The following PDLIM3 variants were observed in gnomAD, a reference collection of about 807,000 sequenced individuals.
PDLIM3 encodes PDZ and LIM domain 3.
PDLIM3 carries 36 observed loss-of-function variants against 37.3 expected under a neutral mutation model. The ratio of observed to expected loss-of-function variants is 0.97; its 90% CI spans 0.74 to 1.28. PDLIM3 has a LOEUF of 1.28. Among genes scored for constraint, PDLIM3 ranks in the 50% most tolerant of loss-of-function variants. The probability of loss-of-function intolerance (pLI) is 0.00; values close to 1 mark genes in which losing one functional copy is unlikely to be tolerated. For missense variants in PDLIM3, 454 were observed against 485.0 expected, an observed-to-expected ratio of 0.94 and a Z score of 0.60; for synonymous variants, 174 against 182.4, an observed-to-expected ratio of 0.95 and a Z score of 0.37.
chr4:185,531,225 G>C (rs1456780098), intron 1 of PDLIM3, among the ~76,000 whole-genome samples: 1 of 152,176 alleles, frequency 6.6e-6, no homozygotes, highest in Non-Finnish European at 1.5e-5. Context: ...AAAAAGAAAA[G>C]ATGCTCACTT....
intron 4 of PDLIM3, among the ~76,000 whole-genome samples, chr4:185,509,328 T>C (rs571931636): frequency 6.6e-6 from 1 of 152,244 alleles, no homozygotes; most frequent in East Asian, 1.9e-4. Flanking sequence ...AGAAATAAGG[T>C]GGTGTTTCAC....
In PDLIM3 at chr4:185,514,780, A is replaced by T; in HGVS notation, c.331-443T>A. 1 of 1,551,988 alleles carries T rather than the reference A, an allele frequency of 6.4e-7. No individual in the cohort carries two copies. Among genetic ancestry groups the T allele is most frequent in the East Asian group, 2.4e-5 (1 of 40,930 alleles). ...GTATATTGCTAGTTGAATAGAGCCCAATTGGCGAGTTATAGGAAGCGCTCA... is the reference window on the plus strand; with the variant it reads ...GTATATTGCTAGTTGAATAGAGCCCTATTGGCGAGTTATAGGAAGCGCTCA... On this transcript the variant is annotated intron_variant, in intron 3 of 7. Transcript: ENST00000284767. The surrounding 1 kb of genome is among the most constrained non-coding windows in gnomAD (Gnocchi z 4.0).
In PDLIM3 at chr4:185,504,646, GCTT is replaced by G. The variant is rs774314798; in HGVS notation, c.794-63_794-61del. On this transcript the variant is annotated intron_variant, in intron 6 of 7. Coordinates refer to ENST00000284767, the MANE Select transcript of PDLIM3 (RefSeq NM_014476.6). This position sits in a 1 kb window ranked among gnomAD's most constrained non-coding sequence, Gnocchi z 4.7. ...AACAGCTGGCCGCAGCCTGTGCTTG[GCTT>G]CTATTTTAAAGTGTGCACTTTAACC... is the stretch of plus-strand genomic sequence containing the variant. 354 of 1,365,500 alleles carry G rather than the reference GCTT, an allele frequency of 2.6e-4. No homozygotes were observed. Among genetic ancestry groups the G allele is most frequent in the Non-Finnish European group, 3.1e-4 (305 of 969,270 alleles). 84.6% of individuals were successfully genotyped at this position (1,365,500 alleles called of 1,614,324 possible).
At position 185,504,646 on chromosome 4, in the gene PDLIM3, G is replaced by A; in HGVS notation, c.794-60C>T. On this transcript the variant is annotated intron_variant, in intron 6 of 7. Coordinates refer to ENST00000284767, the MANE Select transcript of PDLIM3 (RefSeq NM_014476.6). The surrounding 1 kb of genome is among the most constrained non-coding windows in gnomAD (Gnocchi z 4.7). The stretch of plus-strand genomic sequence containing the variant: ...AACAGCTGGCCGCAGCCTGTGCTTG[G>A]CTTCTATTTTAAAGTGTGCACTTTA... 7.3e-7 allele frequency: 1 copy of A among 1,365,618 alleles called. No homozygotes were observed. Among genetic ancestry groups the A allele is most frequent in the Non-Finnish European group, 1.0e-6 (1 of 969,262 alleles). 84.6% of individuals were successfully genotyped at this position (1,365,618 alleles called of 1,614,324 possible).
In PDLIM3 at chr4:185,502,017, A is replaced by C. The variant is rs541706931; in HGVS notation, c.*277T>G. Reference sequence around the variant, plus strand: ...TTTGATGGCTGTAATATACATGTAAATTGTGGAGTATGACATACAAAAAAT... The same window carrying C: ...TTTGATGGCTGTAATATACATGTAACTTGTGGAGTATGACATACAAAAAAT... On this transcript the variant is annotated 3_prime_UTR_variant, in exon 8 of 8. Coordinates refer to ENST00000284767, the MANE Select transcript of PDLIM3 (RefSeq NM_014476.6). The C allele has an allele frequency of 1.5e-4, 71 of 479,974 alleles. No homozygotes were observed. The highest frequency in any genetic ancestry group is 1.3e-3 in the African/African-American group (66 of 51,562). The allele number at this position is 479,974 out of a possible 1,614,324, so 29.7% of individuals were successfully genotyped here.
chr4:185,532,557 T>C (rs538868626), intron 1 of PDLIM3, among the ~76,000 whole-genome samples: 1 of 151,772 alleles, frequency 6.6e-6, no homozygotes, highest in Admixed American at 6.6e-5. Context: ...GTCAGGGAAA[T>C]CGTAAGTAGT....
chr4:185,530,011 A>G (rs1343980506), intron 1 of PDLIM3, among the ~76,000 whole-genome samples: 1 of 152,120 alleles, frequency 6.6e-6, no homozygotes, highest in Non-Finnish European at 1.5e-5. Flanking sequence ...GGCAGTTCAT[A>G]TACATGTTCC....
intron 1 of PDLIM3, among the ~76,000 whole-genome samples, chr4:185,527,542 T>A (rs908717741): frequency 2.0e-5 from 3 of 152,170 alleles, no homozygotes; most frequent in Non-Finnish European, 4.4e-5. Context: ...TGAAGACAAC[T>A]GGGGATTATT....
At chr4:185,524,496 A>G (rs1376192265) in intron 2 of PDLIM3, among the ~76,000 whole-genome samples, 1 of 152,258 alleles carries the variant, frequency 6.6e-6, no homozygotes, top group African/African-American at 2.4e-5. Context: ...GAAACATCTC[A>G]GTATTTCACA....
In PDLIM3 at chr4:185,504,660, G is replaced by T; in HGVS notation, c.794-74C>A. On this transcript the variant is annotated intron_variant, in intron 6 of 7. Transcript: ENST00000284767. This position sits in a 1 kb window ranked among gnomAD's most constrained non-coding sequence, Gnocchi z 4.7. ...GCCTGTGCTTGGCTTCTATTTTAAA[G>T]TGTGCACTTTAACCTGAAGTTGCAT... The T allele has an allele frequency of 8.2e-7, 1 of 1,219,140 alleles. No individual in the cohort carries two copies. Among genetic ancestry groups the T allele is most frequent in the Non-Finnish European group, 1.2e-6 (1 of 841,564 alleles). 75.5% of individuals were successfully genotyped at this position (1,219,140 alleles called of 1,614,324 possible). A position where few individuals can be genotyped will look rare whatever the true frequency, so the allele number is the denominator to read the frequency against.
At chr4:185,532,828 T>A (rs1158674415) in intron 1 of PDLIM3, among the ~76,000 whole-genome samples, 4 of 152,260 alleles carry the variant, frequency 2.6e-5, no homozygotes, top group Admixed American at 2.6e-4. Flanking sequence ...GGGAGCCAAA[T>A]GTCTAGGCGT....
intron 1 of PDLIM3, among the ~76,000 whole-genome samples, chr4:185,533,927 T>G (rs2095749006): frequency 6.6e-6 from 1 of 152,182 alleles, no homozygotes; most frequent in Non-Finnish European, 1.5e-5. Context: ...TCAATTTAAA[T>G]AAAAACCATA....
chr4:185,513,513 A>C (rs1419291992), intron 4 of PDLIM3: 22 of 921,340 alleles, frequency 2.4e-5, no homozygotes, highest in Non-Finnish European at 2.8e-5. Flanking sequence ...AAGGCACTTA[A>C]ATTCTTTTTT....
Position 185,506,590 on chromosome 4 carries a change from T to C in PDLIM3, c.725A>G (p.Asn242Ser), listed in dbSNP as rs780392840. The C allele has an allele frequency of 1.9e-6, 3 of 1,612,610 alleles. No homozygotes were observed. The highest frequency in any genetic ancestry group is 3.3e-5 in the Admixed American group (2 of 60,024). The change falls in exon 6 of 8, where the codon AAT becomes AGT. Residue 242 changes from asparagine (N) to serine (S), a missense_variant. Asn to Ser is a conservative substitution (Grantham distance 46). Transcript: ENST00000284767. The stretch of plus-strand genomic sequence containing the variant: ...CGACTGGCGAGGCTGTGTGGGCTCA[T>C]TCCGATTGTCGTGGAGCATCCGGTA... ...DVYRMLHDNR[N>S]EPTQPRQSGS... is the part of the protein sequence containing the mutation.
chr4:185,530,607 G>A (rs112096905), intron 1 of PDLIM3, among the ~76,000 whole-genome samples: 1 of 152,042 alleles, frequency 6.6e-6, no homozygotes, highest in Non-Finnish European at 1.5e-5. Context: ...CCTTATTCAC[G>A]GTTTTATTTT....
intron 2 of PDLIM3, among the ~76,000 whole-genome samples, chr4:185,524,174 T>G (rs1242667993): frequency 6.6e-6 from 1 of 152,080 alleles, no homozygotes; most frequent in Non-Finnish European, 1.5e-5. Context: ...ATCAAGGAAA[T>G]GTGCTTTGTC....
In PDLIM3 at chr4:185,506,576, G is replaced by T. The variant is rs777436264; in HGVS notation, c.739C>A (p.Pro247Thr). 6.2e-7 allele frequency: 1 copy of T among 1,613,110 alleles called. No individual in the cohort carries two copies. The highest frequency in any genetic ancestry group is 1.1e-5 in the South Asian group (1 of 91,078). ...ACTCTGAAGGAGCCCGACTGGCGAG[G>T]CTGTGTGGGCTCATTCCGATTGTCG... is the stretch of plus-strand genomic sequence containing the variant. The part of the protein sequence containing the change: ...LHDNRNEPTQ[P>T]RQSGSFRVLQ... The change falls in exon 6 of 8, where the codon CCT (proline) becomes ACT (threonine). Residue 247 changes from proline to threonine, a missense_variant. By Grantham distance (38) the Pro-to-Thr change is conservative. Transcript: ENST00000284767.
intron 1 of PDLIM3, among the ~76,000 whole-genome samples, chr4:185,534,043 AC>A (rs1252180859): frequency 6.6e-6 from 1 of 152,200 alleles, no homozygotes; most frequent in African/African-American, 2.4e-5. Flanking sequence ...TTTTCTGCTT[AC>A]TTTACTTAGG....
chr4:185,511,199 C>T lies in PDLIM3; in HGVS notation c.399-2637G>A, dbSNP rs963224815. On this transcript the variant is annotated intron_variant, in intron 4 of 7. Coordinates refer to ENST00000284767, the MANE Select transcript of PDLIM3 (RefSeq NM_014476.6). ...TATCATTTGGATCTAAAATACCTTA[C>T]ATATGTATTTAATTGTAGCTTTACC... is the stretch of plus-strand genomic sequence containing the variant. Among the ~76,000 whole-genome samples, 3 of 152,308 alleles carry T rather than the reference C, an allele frequency of 2.0e-5. No individual in the cohort carries two copies. In the South Asian group the frequency reaches 6.2e-4, roughly 32 times the overall value.
Sources: allele counts gnomAD v4.1 joint callset (sites outside exome capture counted in the v4.1 genomes callset), GRCh38; gene constraint gnomAD v4.1.1; non-coding constraint Gnocchi (gnomAD v3.1); transcripts MANE v1.5; gene names NCBI Gene and HGNC (gene_info 2026-07-23, HGNC 2026-07-21).